NTRK2: variants seen among roughly 807,000 people sequenced by gnomAD.
NTRK2 encodes the protein BDNF/NT-3 growth factors receptor.
Under a neutral mutation model 94.5 loss-of-function variants are expected in NTRK2, and 13 were observed. The ratio of observed to expected loss-of-function variants is 0.14; its 90% CI spans 0.09 to 0.22. NTRK2 has a LOEUF of 0.22. NTRK2 is among the 10% of genes least tolerant of loss of function. The probability of loss-of-function intolerance (pLI) is 1.00; values close to 1 mark genes in which losing one functional copy is unlikely to be tolerated. For missense variants in NTRK2, 639 were observed against 1,071.2 expected, an observed-to-expected ratio of 0.60 and a Z score of 5.63; for synonymous variants, 372 against 407.4, an observed-to-expected ratio of 0.91 and a Z score of 1.05.
intron 12 of NTRK2, among the ~76,000 whole-genome samples, chr9:84,782,427 CG>C (rs1024918397): frequency 6.6e-6 from 1 of 152,206 alleles, no homozygotes; most frequent in African/African-American, 2.4e-5. Flanking sequence ...GCACGTTCTG[CG>C]GCTCTCCCCT....
intron 13 of NTRK2, among the ~76,000 whole-genome samples, chr9:84,864,736 C>CTTTTTTTTTTTTTTTTTTT (rs71369154): frequency 9.6e-6 from 1 of 104,590 alleles, no homozygotes. Flanking sequence ...TCTTAATTTT[C>CTTTTTTTTTTTTTTTTTTT]TTTTTTTTTT....
At chr9:84,988,178 A>G (rs1403837029) in intron 17 of NTRK2, among the ~76,000 whole-genome samples, 3 of 152,216 alleles carry the variant, frequency 2.0e-5, no homozygotes, top group Non-Finnish European at 4.4e-5. Flanking sequence ...GAGATCTAGA[A>G]GACATGTGAG....
intron 17 of NTRK2, among the ~76,000 whole-genome samples, chr9:85,014,488 A>G (rs1445042037): frequency 6.6e-6 from 1 of 152,200 alleles, no homozygotes; most frequent in Non-Finnish European, 1.5e-5. Context: ...GCCAATTCAT[A>G]TTTACACTTG....
At chr9:84,798,634 T>C (rs2069937013) in intron 12 of NTRK2, among the ~76,000 whole-genome samples, 1 of 152,178 alleles carries the variant, frequency 6.6e-6, no homozygotes, top group South Asian at 2.1e-4. Flanking sequence ...ATTTCCTTTC[T>C]TCACAAAAGT....
At chr9:84,703,469 A>C (rs1394000596) in intron 4 of NTRK2, among the ~76,000 whole-genome samples, 1 of 152,214 alleles carries the variant, frequency 6.6e-6, no homozygotes, top group Non-Finnish European at 1.5e-5. Context: ...TTACAATAAG[A>C]GCACAGGAAA....
chr9:84,755,965 C>T (rs1189891374), intron 12 of NTRK2, among the ~76,000 whole-genome samples: 1 of 152,026 alleles, frequency 6.6e-6, no homozygotes, highest in Non-Finnish European at 1.5e-5. Flanking sequence ...TTTACACTGT[C>T]CTATTGCTTT....
chr9:84,936,229 T>C (rs1429117309), intron 15 of NTRK2, among the ~76,000 whole-genome samples: 1 of 152,250 alleles, frequency 6.6e-6, no homozygotes, highest in African/African-American at 2.4e-5. Flanking sequence ...TAGTACCACT[T>C]CTTGCCCTGT....
At chr9:84,816,551 C>T (rs910191050) in intron 12 of NTRK2, among the ~76,000 whole-genome samples, 4 of 151,886 alleles carry the variant, frequency 2.6e-5, no homozygotes, top group Non-Finnish European at 4.4e-5. Flanking sequence ...GAGGCTGAGG[C>T]GGGCGGATCA....
intron 14 of NTRK2, among the ~76,000 whole-genome samples, chr9:84,890,427 C>A (rs2076563036): frequency 6.6e-6 from 1 of 152,122 alleles, no homozygotes; most frequent in Admixed American, 6.5e-5. Context: ...TATGAAGGGG[C>A]CATTTGATGA....
intron 17 of NTRK2, among the ~76,000 whole-genome samples, chr9:85,011,592 G>A (rs1279896129): frequency 2.0e-5 from 3 of 152,148 alleles, no homozygotes; most frequent in Non-Finnish European, 2.9e-5. Flanking sequence ...AAGCAAGAAA[G>A]CAACCACCTA....
At chr9:84,944,324 G>A (rs972336027) in intron 15 of NTRK2, among the ~76,000 whole-genome samples, 8 of 149,928 alleles carry the variant, frequency 5.3e-5, no homozygotes, top group East Asian at 2.0e-4. Context: ...GTGCAGTGGC[G>A]TGCTGTCTGC....
At chr9:84,881,558 A>G (rs112484909) in intron 14 of NTRK2, among the ~76,000 whole-genome samples, 12 of 152,336 alleles carry the variant, frequency 7.9e-5, no homozygotes, top group African/African-American at 2.9e-4. Context: ...TTTATAATAA[A>G]TAGGTAGTAA....
At chr9:84,717,603 T>C (rs1317906556) in intron 6 of NTRK2, among the ~76,000 whole-genome samples, 1 of 152,214 alleles carries the variant, frequency 6.6e-6, no homozygotes, top group Non-Finnish European at 1.5e-5. Flanking sequence ...AACTTCTTCA[T>C]CTGGAAATAG....
intron 14 of NTRK2, among the ~76,000 whole-genome samples, chr9:84,913,494 A>G (rs1363610668): frequency 6.6e-6 from 1 of 152,168 alleles, no homozygotes; most frequent in African/African-American, 2.4e-5. Flanking sequence ...AATGTGTTGC[A>G]TGCATTTACC....
rs1340170501 is a variant in NTRK2, at chr9:84,698,879, A to G, written c.213-3280A>G. Among the ~76,000 whole-genome samples, 5 of 152,042 alleles carry G rather than the reference A, an allele frequency of 3.3e-5. No individual in the cohort carries two copies. The South Asian group carries it at 6.2e-4, about 19-fold the overall frequency. ...CCTTACTGGCTTCTTTTCTAACCCT[A>G]TGATTTGATTCTTCACTTAGTGGTA... On this transcript the variant is annotated intron_variant, in intron 2 of 18. Coordinates refer to ENST00000277120, the MANE Select transcript of NTRK2 (RefSeq NM_006180.6).
chr9:84,853,146 A>G (rs145874306), intron 12 of NTRK2, among the ~76,000 whole-genome samples: 277 of 152,294 alleles, frequency 1.8e-3, no homozygotes, highest in Non-Finnish European at 2.4e-3. Flanking sequence ...TTCCCAAAAT[A>G]CCCAGGCTCA....
In NTRK2 at chr9:84,756,013, A is replaced by G. The variant is rs115781769; in HGVS notation, c.1396+3928A>G. ...GTAGCTACCATAATTGCAGAAGCCA[A>G]ATAATGCCCTTCTGTTAGTGTTGGC... is the stretch of plus-strand genomic sequence containing the variant. On this transcript the variant is annotated intron_variant, in intron 12 of 18. Transcript: ENST00000277120. Among the ~76,000 whole-genome samples, 730 of 152,204 alleles carry G rather than the reference A, an allele frequency of 4.8e-3. 8 individuals are homozygous for G. Among genetic ancestry groups the G allele is most frequent in the African/African-American group, 0.017 (692 of 41,520 alleles).
In NTRK2 at chr9:85,026,844, G is replaced by A. The variant is rs1475587740; in HGVS notation, c.*5407G>A. ...TCTGTGCTAATACTTACCAGTTCTT[G>A]TTTTGCAATCTGTTTTGAGGTCCAT... On this transcript the variant is annotated 3_prime_UTR_variant, in exon 19 of 19. Transcript: ENST00000277120. The A allele has an allele frequency of 4.3e-6, 1 of 232,398 alleles. No individual in the cohort carries two copies. The highest frequency in any genetic ancestry group is 2.2e-5 in the African/African-American group (1 of 45,158). The allele number at this position is 232,398 out of a possible 1,614,324, so 14.4% of individuals were successfully genotyped here. A position where few individuals can be genotyped will look rare whatever the true frequency, so the allele number is the denominator to read the frequency against.
intron 14 of NTRK2, among the ~76,000 whole-genome samples, chr9:84,933,127 C>T (rs2078096607): frequency 6.6e-6 from 1 of 152,170 alleles, no homozygotes; most frequent in Admixed American, 6.5e-5. Context: ...ATTCCAAGCT[C>T]TAGAGGGCAT....
Sources: allele counts gnomAD v4.1 joint callset (sites outside exome capture counted in the v4.1 genomes callset), GRCh38; gene constraint gnomAD v4.1.1; transcripts MANE v1.5; gene names NCBI Gene and HGNC (gene_info 2026-07-23, HGNC 2026-07-21).